Variants in ARFGAP2 observed in about 807,000 individuals in gnomAD.
ARFGAP2 encodes ADP-ribosylation factor GTPase-activating protein 2.
A neutral mutation model predicts 71.9 loss-of-function variants in ARFGAP2; 45 were observed. The ratio of observed to expected loss-of-function variants is 0.63; its 90% CI spans 0.49 to 0.80. The LOEUF is 0.80. Ranked by LOEUF, ARFGAP2 falls within the 30% of genes least tolerant of loss-of-function variation. ARFGAP2 has a pLI of 0.00. For synonymous variants in ARFGAP2, 248 were observed against 249.2 expected (o/e 1.00, Z 0.05); for missense variants, 633 against 673.9 (o/e 0.94, Z 0.67).
chr11:47,168,344 A>G, intron 10 of ARFGAP2, 93 bp from the exon 11 acceptor site: 1 of 1,543,476 alleles, frequency 6.5e-7, no homozygotes, highest in South Asian at 1.2e-5. Context: ...GTTCTCCTTC[A>G]CGGAGCGTCA....
chr11:47,171,952 G>C (rs910125149), intron 8 of ARFGAP2, 152 bp from the exon 9 acceptor site: 35 of 1,174,472 alleles, frequency 3.0e-5, no homozygotes, highest in Non-Finnish European at 4.1e-5. Flanking sequence ...CAAGACAATA[G>C]TGCTCCGCTG....
intron 12 of ARFGAP2, among the ~76,000 whole-genome samples, chr11:47,167,407 G>A (rs535476338): frequency 1.4e-4 from 22 of 152,264 alleles, no homozygotes; most frequent in African/African-American, 4.8e-4. Flanking sequence ...AAGTAGTTAC[G>A]TTCCCATTTT....
chr11:47,175,483 A>C, intron 3 of ARFGAP2, 170 bp from the exon 4 acceptor site: 21 of 1,064,280 alleles, frequency 2.0e-5, no homozygotes, highest in South Asian at 4.1e-5. Context: ...TCCTGCAAAA[A>C]ACACCTTGCA....
chr11:47,174,655 A>T, intron 5 of ARFGAP2: 1 of 208,854 alleles, frequency 4.8e-6, no homozygotes, highest in Non-Finnish European at 9.9e-6. Context: ...TCGGCCTCCC[A>T]AAGTGCTGGG....
chr11:47,166,987 T>C, intron 12 of ARFGAP2, 101 bp from the exon 13 acceptor site: 1 of 1,424,618 alleles, frequency 7.0e-7, no homozygotes, highest in Non-Finnish European at 9.5e-7. Context: ...TGGTGATGGG[T>C]TACCAGGTCC....
In ARFGAP2 at chr11:47,175,883, T is replaced by A. The variant is rs777699645; in HGVS notation, c.232A>T (p.Arg78Trp). ...GCATTCCCGCCGACCTGCATACACC[T>A]CAGCTGGAACCAGTTCCAGTTGGAA... The part of the protein sequence containing the change: ...LDSNWNWFQL[R>W]CMQVGGNANA... Residue 78 changes from arginine to tryptophan, a missense_variant, in exon 3 of 16, where the codon AGG becomes TGG. Arg to Trp is a moderately radical substitution (Grantham distance 101). Transcript: ENST00000524782. 6.2e-6 allele frequency: 10 copies of A among 1,614,128 alleles called. 1 individual carries two copies. In the South Asian group the frequency reaches 9.9e-5, roughly 16 times the overall value.
chr11:47,173,593 G>A, intron 6 of ARFGAP2, 111 bp from the exon 7 acceptor site: 4 of 1,419,390 alleles, frequency 2.8e-6, no homozygotes, highest in Non-Finnish European at 3.8e-6. Context: ...GCCACCAAAA[G>A]ATAAAAGGAA....
At chr11:47,170,613 CTCCA>C (rs2135428263) in intron 10 of ARFGAP2, among the ~76,000 whole-genome samples, 1 of 152,288 alleles carries the variant, frequency 6.6e-6, no homozygotes, top group South Asian at 2.1e-4. Flanking sequence ...TGCCATTGCA[CTCCA>C]GCCTGGGTGA....
intron 2 of ARFGAP2, 187 bp from the exon 3 acceptor site, chr11:47,176,110 T>A: frequency 1.6e-6 from 1 of 629,292 alleles, no homozygotes; most frequent in Non-Finnish European, 2.8e-6. Flanking sequence ...CTCCAAAGAG[T>A]ACTAATTATG....
chr11:47,176,462 C>T, intron 2 of ARFGAP2, 54 bp downstream of exon 2: 1 of 1,546,286 alleles, frequency 6.5e-7, no homozygotes, highest in Non-Finnish European at 8.9e-7. Context: ...CCCTTGTTGC[C>T]CAGACACCCC....
chr11:47,172,693 A>T, intron 7 of ARFGAP2: 1 of 1,308,218 alleles, frequency 7.6e-7, no homozygotes, highest in Non-Finnish European at 1.0e-6. Flanking sequence ...TGGGCTCCCC[A>T]AGCAGCTGTC....
chr11:47,173,027 G>A, intron 7 of ARFGAP2: 1 of 357,918 alleles, frequency 2.8e-6, no homozygotes, highest in Non-Finnish European at 5.4e-6. Context: ...TGGGGTACTG[G>A]CTGAGAAAGA....
In ARFGAP2 at chr11:47,165,494, G is replaced by A. The variant is rs982965906; in HGVS notation, c.1554C>T (p.Tyr518=). The A allele has an allele frequency of 1.5e-5, 24 of 1,569,568 alleles. No homozygotes were observed. The highest frequency in any genetic ancestry group is 1.7e-4 in the Middle Eastern group (1 of 5,878). ...CACAGAGCTCGGATCAGTAGGAACC[G>A]TAGCGATCCTGGGGGCGAGGGGGGA... ...NGVMNSLQDR[Y]GSY The change falls in exon 16 of 16, where the codon TAC becomes TAT. Residue 518 remains tyrosine (Y), a synonymous_variant. Coordinates refer to ENST00000524782, the MANE Select transcript of ARFGAP2 (RefSeq NM_032389.6).
chr11:47,176,477 C>T, intron 2 of ARFGAP2, 39 bp downstream of exon 2: 2 of 1,586,680 alleles, frequency 1.3e-6, no homozygotes, highest in Admixed American at 1.7e-5. Context: ...CACCCCTGGC[C>T]GGCCGGGTGG....
chr11:47,172,136 T>C, intron 8 of ARFGAP2, 145 bp downstream of exon 8: 1 of 876,532 alleles, frequency 1.1e-6, no homozygotes, highest in Non-Finnish European at 1.8e-6. Context: ...TTTAAATCTT[T>C]AAATCCCTTT....
rs1450586386 is a variant in ARFGAP2, at chr11:47,176,107, G to A, written c.192-184C>T. The A allele has an allele frequency of 2.4e-5, 15 of 635,624 alleles. No homozygotes were observed. The Admixed American group carries it at 3.5e-4, about 15-fold the overall frequency. 39.4% of individuals were successfully genotyped at this position (635,624 alleles called of 1,614,324 possible). A position where few individuals can be genotyped will look rare whatever the true frequency, so the allele number is the denominator to read the frequency against. On this transcript the variant is annotated intron_variant, in intron 2 of 15. Coordinates refer to ENST00000524782, the MANE Select transcript of ARFGAP2 (RefSeq NM_032389.6). ...CTCCTCTTCGTTCATTTACTCCAAA[G>A]AGTACTAATTATGTCCCCAGATCCG...
In ARFGAP2 at chr11:47,166,335, T is replaced by G. The variant is rs1565122708; in HGVS notation, c.1478A>C (p.Lys493Thr). 1 of 1,614,222 alleles carries G rather than the reference T, an allele frequency of 6.2e-7. No homozygotes were observed. The highest frequency in any genetic ancestry group is 8.5e-7 in the Non-Finnish European group (1 of 1,180,042). Reference protein sequence around the residue: ...VLPTADIAQFKQGVKSVAGKM... With the variant: ...VLPTADIAQFTQGVKSVAGKM... ...CCCAGCCACAGACTTGACACCCTGC[T>G]TAAACTGGGCAATGTCCGCTGTAGG... The change falls in exon 15 of 16, where the codon AAG becomes ACG. Residue 493 changes from lysine (K) to threonine (T), a missense_variant. By Grantham distance (78) the Lys-to-Thr change is moderately conservative. Coordinates refer to ENST00000524782, the MANE Select transcript of ARFGAP2 (RefSeq NM_032389.6).
Position 47,171,644 on chromosome 11 carries a change from C to A in ARFGAP2, c.809+20G>T, listed in dbSNP as rs889917104. 5 of 1,613,812 alleles carry A rather than the reference C, an allele frequency of 3.1e-6. No individual in the cohort carries two copies. In the African/African-American group the frequency reaches 4.0e-5, roughly 13 times the overall value. ...CACCAAGCCCCGCAGAAGCCTGAGGCCCCGGCAGCAAACACTTACATGGAC... is the reference window on the plus strand; with the variant it reads ...CACCAAGCCCCGCAGAAGCCTGAGGACCCGGCAGCAAACACTTACATGGAC... On this transcript the variant is annotated intron_variant, in intron 9 of 15. Transcript: ENST00000524782.
At position 47,166,745 on chromosome 11, in the gene ARFGAP2, G is replaced by A. The variant is rs764222458; in HGVS notation, c.1332+15C>T. ...GCCTGCTGCCTCGGACCTCAGGGCA[G>A]ACAGCCCCACTTACCTCTGCATCCA... On this transcript the variant is annotated intron_variant, in intron 13 of 15. Transcript: ENST00000524782. The A allele has an allele frequency of 2.5e-6, 4 of 1,611,580 alleles. No individual in the cohort carries two copies. The highest frequency in any genetic ancestry group is 1.1e-5 in the South Asian group (1 of 91,032).
Sources: gnomAD v4.1 joint callset for allele counts (sites outside exome capture counted in the v4.1 genomes callset) on GRCh38, gnomAD v4.1.1 for gene constraint, MANE v1.5 for transcripts, NCBI Gene and HGNC (gene_info 2026-07-23, HGNC 2026-07-21) for gene names.